The following RCAN1 variants were observed in gnomAD, a reference collection of about 807,000 sequenced individuals.
The protein encoded by RCAN1 is calcipressin-1.
In RCAN1, 11 loss-of-function variants were observed where a neutral mutation model predicts 22.9. That is an observed-to-expected ratio of 0.48 (90% CI 0.30 to 0.79). RCAN1 has a LOEUF of 0.79. Among genes scored for constraint, RCAN1 ranks in the 30% least tolerant of loss-of-function variants. The probability of loss-of-function intolerance (pLI) is 0.06; values close to 1 mark genes in which losing one functional copy is unlikely to be tolerated. For synonymous variants in RCAN1, 136 were observed against 142.3 expected (o/e 0.96, Z 0.32); for missense variants, 291 against 337.8 (o/e 0.86, Z 1.09).
At chr21:34,587,033 T>C (rs1321276796) in intron 1 of RCAN1, among the ~76,000 whole-genome samples, 1 of 152,006 alleles carries the variant, frequency 6.6e-6, no homozygotes, top group African/African-American at 2.4e-5. Context: ...TTAAGTCAAA[T>C]GTTGACTTTT....
intron 1 of RCAN1, among the ~76,000 whole-genome samples, chr21:34,552,985 G>C (rs1986422755): frequency 6.6e-6 from 1 of 152,140 alleles, no homozygotes; most frequent in Non-Finnish European, 1.5e-5. Flanking sequence ...GAACATAACT[G>C]CCTAATTCTG....
chr21:34,613,316 T>A (rs1044208205), intron 1 of RCAN1, among the ~76,000 whole-genome samples: 7 of 152,250 alleles, frequency 4.6e-5, no homozygotes, highest in African/African-American at 1.7e-4. Flanking sequence ...TCTTTATTGC[T>A]TGTTTCCCTT....
intron 2 of RCAN1, chr21:34,523,020 G>C (rs1428352924): frequency 6.6e-6 from 1 of 152,328 alleles, no homozygotes; most frequent in Non-Finnish European, 1.5e-5. Context: ...CTTAGCATCT[G>C]CGCCCAGTCT....
chr21:34,533,548 A>G (rs995015086), intron 1 of RCAN1, among the ~76,000 whole-genome samples: 5 of 152,100 alleles, frequency 3.3e-5, no homozygotes, highest in Non-Finnish European at 7.4e-5. Flanking sequence ...CCCTCCATTT[A>G]TTCATTCATT....
intron 2 of RCAN1, chr21:34,522,920 T>C (rs1984693441): frequency 6.6e-6 from 1 of 152,188 alleles, no homozygotes; most frequent in Non-Finnish European, 1.5e-5. Context: ...AAAATGGTAG[T>C]GGGCAGGAGA....
At chr21:34,534,267 G>A (rs1022373587) in intron 1 of RCAN1, among the ~76,000 whole-genome samples, 1 of 151,990 alleles carries the variant, frequency 6.6e-6, no homozygotes, top group African/African-American at 2.4e-5. Flanking sequence ...ACTTTCTAAA[G>A]CTCCTCAGCC....
At chr21:34,583,862 AC>A (rs935286532) in intron 1 of RCAN1, among the ~76,000 whole-genome samples, 1 of 152,142 alleles carries the variant, frequency 6.6e-6, no homozygotes, top group African/African-American at 2.4e-5. Flanking sequence ...CTGAAGGCTG[AC>A]CACTGAAAAA....
intron 1 of RCAN1, among the ~76,000 whole-genome samples, chr21:34,612,418 TC>T (rs1988707440): frequency 6.6e-6 from 1 of 152,070 alleles, no homozygotes; most frequent in Non-Finnish European, 1.5e-5. Flanking sequence ...CACAAACACC[TC>T]CCCAGGGAGC....
intron 1 of RCAN1, chr21:34,525,427 C>T: frequency 7.1e-7 from 1 of 1,411,286 alleles, no homozygotes. Flanking sequence ...GGCCGCCTCT[C>T]ACTCTTTTTC....
At chr21:34,568,189 C>T (rs966028070) in intron 1 of RCAN1, among the ~76,000 whole-genome samples, 22 of 152,312 alleles carry the variant, frequency 1.4e-4, no homozygotes, top group Admixed American at 1.3e-3. Context: ...CTGCAGCTGC[C>T]TGGGGCCACT....
chr21:34,578,519 A>G (rs1048830160), intron 1 of RCAN1, among the ~76,000 whole-genome samples: 2 of 152,074 alleles, frequency 1.3e-5, no homozygotes, highest in African/African-American at 2.4e-5. Flanking sequence ...CAGGCAGGTG[A>G]TTGTCACAGG....
chr21:34,574,327 C>T (rs78939490), intron 1 of RCAN1, among the ~76,000 whole-genome samples: 3 of 152,138 alleles, frequency 2.0e-5, no homozygotes, highest in Non-Finnish European at 2.9e-5. Flanking sequence ...ATCAATCAAG[C>T]GTGAGGGTGA....
chr21:34,521,440 G>C (rs772231813), intron 3 of RCAN1, 59 bp downstream of exon 3: 2 of 1,611,712 alleles, frequency 1.2e-6, no homozygotes, highest in South Asian at 2.2e-5. Context: ...ACTGCTCCCT[G>C]GTGCAGGGCA....
intron 1 of RCAN1, among the ~76,000 whole-genome samples, chr21:34,543,028 C>T (rs537211114): frequency 3.9e-5 from 6 of 152,330 alleles, no homozygotes; most frequent in African/African-American, 1.4e-4. Context: ...AGAGGATAAT[C>T]ACAGGACCTA....
Position 34,563,100 on chromosome 21 carries a change from G to A in RCAN1, c.253-39390C>T, listed in dbSNP as rs558292663. On this transcript the variant is annotated intron_variant, in intron 1 of 3. Coordinates refer to ENST00000313806, the MANE Select transcript of RCAN1 (RefSeq NM_004414.7). ...TGGTGTCCGCTGTTTTCAGGGTAAA[G>A]GAACATGGGGAGACAAAGACCCCAA... Among the ~76,000 whole-genome samples the A allele has an allele frequency of 4.6e-5, 7 of 152,302 alleles. No individual in the cohort carries two copies. In the South Asian group the frequency reaches 1.5e-3, roughly 32 times the overall value.
In RCAN1 at chr21:34,614,924, G is replaced by A. The variant is rs978635040; in HGVS notation, c.88C>T (p.Leu30=). The A allele has an allele frequency of 1.5e-5, 21 of 1,378,678 alleles. No homozygotes were observed. In the East Asian group the frequency reaches 7.6e-4, roughly 50 times the overall value. 85.4% of individuals were successfully genotyped at this position (1,378,678 alleles called of 1,614,324 possible). A position where few individuals can be genotyped will look rare whatever the true frequency, so the allele number is the denominator to read the frequency against. ...AEARARPGVT[L]RPFAPLSGAA... ...CCCGAGAGGGGCGCGAAGGGCCGCAGCGTCACCCCGGGCCGCGCTCGCGCC... is the reference window on the plus strand; with the variant it reads ...CCCGAGAGGGGCGCGAAGGGCCGCAACGTCACCCCGGGCCGCGCTCGCGCC... Residue 30 remains leucine, a synonymous_variant, in exon 1 of 4, where the codon CTG becomes TTG. Coordinates refer to ENST00000313806, the MANE Select transcript of RCAN1 (RefSeq NM_004414.7). This position sits in a 1 kb window ranked among gnomAD's most constrained non-coding sequence, Gnocchi z 6.0.
At chr21:34,564,459 G>T (rs2123670967) in intron 1 of RCAN1, among the ~76,000 whole-genome samples, 1 of 152,286 alleles carries the variant, frequency 6.6e-6, no homozygotes, top group East Asian at 1.9e-4. Context: ...CGATTTGGGG[G>T]AAGACTGCCC....
At chr21:34,552,877 G>A (rs1986418571) in intron 1 of RCAN1, among the ~76,000 whole-genome samples, 1 of 152,156 alleles carries the variant, frequency 6.6e-6, no homozygotes, top group Non-Finnish European at 1.5e-5. Flanking sequence ...ATTTCCCTCT[G>A]GAGATATAGC....
In RCAN1 at chr21:34,516,511, T is replaced by A. The variant is rs1437334980; in HGVS notation, c.*1573A>T. 1.3e-5 allele frequency: 2 copies of A among 152,196 alleles called. No individual in the cohort carries two copies. Among genetic ancestry groups the A allele is most frequent in the African/African-American group, 4.8e-5 (2 of 41,456 alleles). The allele number at this position is 152,196 out of a possible 1,614,324, so 9.4% of individuals were successfully genotyped here. On this transcript the variant is annotated 3_prime_UTR_variant, in exon 4 of 4. Transcript: ENST00000313806. The stretch of plus-strand genomic sequence containing the variant: ...TTCTGTAAGGAGCATACTGTGCCCA[T>A]TTATTATAGAATGCAGTTAAAAAAA...
Sources: gnomAD v4.1 joint callset for allele counts (sites outside exome capture counted in the v4.1 genomes callset) on GRCh38, gnomAD v4.1.1 for gene constraint, Gnocchi (gnomAD v3.1) non-coding constraint, MANE v1.5 for transcripts, NCBI Gene and HGNC (gene_info 2026-07-23, HGNC 2026-07-21) for gene names.